EVI5: variants seen among roughly 807,000 people sequenced by gnomAD.
EVI5 encodes the protein ecotropic viral integration site 5 protein homolog.
A neutral mutation model predicts 112.0 loss-of-function variants in EVI5; 73 were observed. That is an observed-to-expected ratio of 0.65 (90% CI 0.54 to 0.79). The LOEUF (loss-of-function observed/expected upper bound fraction) is 0.79, where lower values mean the gene tolerates loss of function less well. Among genes scored for constraint, EVI5 ranks in the 30% least tolerant of loss-of-function variants. EVI5 has a pLI of 0.00. For synonymous variants in EVI5, 305 were observed against 319.9 expected (o/e 0.95, Z 0.50); for missense variants, 900 against 968.8 (o/e 0.93, Z 0.94).
At chr1:92,645,900 T>C in intron 13 of EVI5, among the ~76,000 whole-genome samples, 1 of 152,338 alleles carries the variant, frequency 6.6e-6, no homozygotes, top group Non-Finnish European at 1.5e-5. Flanking sequence ...TCACTTCACG[T>C]TGCATTCTCC....
chr1:92,640,444 G>A (rs1659717237), intron 13 of EVI5, among the ~76,000 whole-genome samples: 2 of 152,140 alleles, frequency 1.3e-5, no homozygotes, highest in African/African-American at 2.4e-5. Context: ...AGTGGGCAAA[G>A]GATATGAATA....
chr1:92,744,490 C>T (rs377258732), intron 1 of EVI5, among the ~76,000 whole-genome samples: 123 of 152,120 alleles, frequency 8.1e-4, no homozygotes, highest in Admixed American at 6.0e-3. Flanking sequence ...TCTTTGAGAA[C>T]GGACCCATTT....
intron 18 of EVI5, among the ~76,000 whole-genome samples, chr1:92,579,945 C>A (rs1671683153): frequency 6.6e-6 from 1 of 152,014 alleles, no homozygotes; most frequent in Non-Finnish European, 1.5e-5. Flanking sequence ...TTCTCTTTAA[C>A]CTTTCATTGT....
At chr1:92,547,085 C>T (rs912066509) in intron 19 of EVI5, among the ~76,000 whole-genome samples, 21 of 152,262 alleles carry the variant, frequency 1.4e-4, no homozygotes, top group African/African-American at 5.1e-4. Flanking sequence ...CAAAATTGAC[C>T]ACATAGTTGG....
At chr1:92,731,075 G>C (rs1267595259) in intron 2 of EVI5, among the ~76,000 whole-genome samples, 5 of 152,166 alleles carry the variant, frequency 3.3e-5, no homozygotes, top group African/African-American at 1.2e-4. Context: ...TGTAATCCCA[G>C]CACTTTGGGA....
intron 2 of EVI5, among the ~76,000 whole-genome samples, chr1:92,709,968 T>C (rs1181212922): frequency 6.6e-6 from 1 of 151,342 alleles, no homozygotes; most frequent in Non-Finnish European, 1.5e-5. Flanking sequence ...GGGAAAATGG[T>C]AATACAGCAT....
intron 18 of EVI5, among the ~76,000 whole-genome samples, chr1:92,579,370 T>C (rs1325501214): frequency 3.3e-5 from 5 of 152,210 alleles, no homozygotes; most frequent in African/African-American, 1.2e-4. Context: ...AGGAGGCCAG[T>C]GTGGAAAACC....
intron 19 of EVI5, among the ~76,000 whole-genome samples, chr1:92,542,054 C>T (rs1173310244): frequency 1.3e-5 from 2 of 152,180 alleles, no homozygotes; most frequent in African/African-American, 2.4e-5. Context: ...TGCACTTCCT[C>T]ACTCGGCCTT....
At chr1:92,564,518 T>A (rs1261826322) in intron 18 of EVI5, among the ~76,000 whole-genome samples, 1 of 152,150 alleles carries the variant, frequency 6.6e-6, no homozygotes, top group Non-Finnish European at 1.5e-5. Flanking sequence ...TAGCTCTCGA[T>A]GTGGACTGGA....
chr1:92,633,367 G>A (rs1441298032), intron 14 of EVI5, among the ~76,000 whole-genome samples: 1 of 152,216 alleles, frequency 6.6e-6, no homozygotes, highest in Non-Finnish European at 1.5e-5. Flanking sequence ...TGTATTAGGT[G>A]CACATATATT....
chr1:92,637,122 T>G (rs376238717), intron 13 of EVI5, among the ~76,000 whole-genome samples: 2 of 152,244 alleles, frequency 1.3e-5, no homozygotes, highest in South Asian at 4.1e-4. Context: ...ATATGCATGG[T>G]TTCCCAGCAC....
At chr1:92,675,504 A>G (rs1236168322) in intron 10 of EVI5, among the ~76,000 whole-genome samples, 1 of 151,976 alleles carries the variant, frequency 6.6e-6, no homozygotes, top group Non-Finnish European at 1.5e-5. Flanking sequence ...TCAATAATAT[A>G]GTGTGGTGAA....
chr1:92,756,678 C>A, intron 1 of EVI5: 1 of 500,884 alleles, frequency 2.0e-6, no homozygotes, highest in South Asian at 1.6e-5. Context: ...CTCAGCATGT[C>A]AAACAGTCAC....
At chr1:92,735,410 C>G (rs888675454) in intron 2 of EVI5, among the ~76,000 whole-genome samples, 1 of 151,528 alleles carries the variant, frequency 6.6e-6, no homozygotes, top group Non-Finnish European at 1.5e-5. Flanking sequence ...TTGATTTTGG[C>G]GACAATTTCA....
chr1:92,786,084 C>A (rs1211815883), upstream of EVI5, among the ~76,000 whole-genome samples: 1 of 98,760 alleles, frequency 1.0e-5, no homozygotes. Flanking sequence ...GAACGATACT[C>A]TGTCTCAAAA....
chr1:92,713,885 A>T (rs1374364858), intron 2 of EVI5: 1 of 274,922 alleles, frequency 3.6e-6, no homozygotes, highest in Non-Finnish European at 5.5e-6. Context: ...CGGAACAAAT[A>T]TGGCTGCAAT....
chr1:92,525,783 T>C (rs1457072819), intron 19 of EVI5, among the ~76,000 whole-genome samples: 1 of 152,230 alleles, frequency 6.6e-6, no homozygotes, highest in Non-Finnish European at 1.5e-5. Flanking sequence ...GTTTACTGCT[T>C]CTTTCGGACC....
At chr1:92,641,243 T>C (rs748438872) in intron 13 of EVI5, among the ~76,000 whole-genome samples, 1 of 152,194 alleles carries the variant, frequency 6.6e-6, no homozygotes, top group Non-Finnish European at 1.5e-5. Flanking sequence ...TATCTCTATA[T>C]ATACTATACA....
chr1:92,539,092 A>G (rs1664353292), intron 19 of EVI5, among the ~76,000 whole-genome samples: 1 of 152,206 alleles, frequency 6.6e-6, no homozygotes, highest in Non-Finnish European at 1.5e-5. Flanking sequence ...AGCTGGAACA[A>G]TAAGAGCACT....
Sources: gnomAD v4.1 joint callset for allele counts (sites outside exome capture counted in the v4.1 genomes callset) on GRCh38, gnomAD v4.1.1 for gene constraint, MANE v1.5 for transcripts, NCBI Gene and HGNC (gene_info 2026-07-23, HGNC 2026-07-21) for gene names.